The following SULF1 variants were observed in gnomAD, a reference collection of about 807,000 sequenced individuals.
SULF1 encodes sulfatase 1.
Under a neutral mutation model 110.5 loss-of-function variants are expected in SULF1, and 46 were observed. The ratio of observed to expected loss-of-function variants is 0.42; its 90% CI spans 0.33 to 0.53. The LOEUF is 0.53. Ranked by LOEUF, SULF1 falls within the 20% of genes least tolerant of loss-of-function variation. The pLI is 0.12. For synonymous variants in SULF1, 371 were observed against 387.1 expected, an observed-to-expected ratio of 0.96 and a Z score of 0.49; for missense variants, 941 against 1,094.2, an observed-to-expected ratio of 0.86 and a Z score of 1.98.
chr8:69,594,201 G>A (rs186162505), intron 8 of SULF1, among the ~76,000 whole-genome samples: 170 of 152,134 alleles, frequency 1.1e-3, no homozygotes, highest in African/African-American at 3.9e-3. Context: ...ACAGGCATGC[G>A]CCACCACGCT....
At chr8:69,628,991 G>A (rs1182582365) in intron 18 of SULF1, among the ~76,000 whole-genome samples, 2 of 152,110 alleles carry the variant, frequency 1.3e-5, no homozygotes, top group Non-Finnish European at 2.9e-5. Context: ...GTTCAATAAG[G>A]TCCCAAGAAA....
intron 8 of SULF1, 144 bp downstream of exon 8, chr8:69,589,285 C>G (rs1018149508): frequency 1.2e-6 from 1 of 828,740 alleles, no homozygotes; most frequent in Non-Finnish European, 1.8e-6. Flanking sequence ...GAGCAGACCA[C>G]GGAACAGGCA....
chr8:69,627,148 C>G, intron 15 of SULF1, 62 bp from the exon 16 acceptor site: 2 of 1,278,626 alleles, frequency 1.6e-6, no homozygotes, highest in South Asian at 2.5e-5. Context: ...TCTTTGTTAT[C>G]TTTAGTGTTT....
In SULF1 at chr8:69,534,355, T is replaced by G. The variant is rs115755367; in HGVS notation, c.-133-29184T>G. On this transcript the variant is annotated intron_variant, in intron 3 of 22. Coordinates refer to ENST00000402687, the MANE Select transcript of SULF1 (RefSeq NM_001128205.2). ...AAATTCTTTCATTAAGATCACTACA[T>G]TGTGCATGGTGGATATTTTTCTGGG... Among the ~76,000 whole-genome samples the G allele has an allele frequency of 1.6e-3, 247 of 152,328 alleles. 1 individual carries two copies. Among genetic ancestry groups the G allele is most frequent in the African/African-American group, 5.7e-3 (237 of 41,578 alleles).
At chr8:69,655,685 G>A (rs1457264884) in intron 22 of SULF1, among the ~76,000 whole-genome samples, 4 of 152,148 alleles carry the variant, frequency 2.6e-5, no homozygotes, top group South Asian at 4.1e-4. Context: ...TGGGATTAGA[G>A]GCATGAGGCA....
chr8:69,574,505 T>A (rs1344650280), intron 5 of SULF1, among the ~76,000 whole-genome samples: 2 of 152,226 alleles, frequency 1.3e-5, no homozygotes, highest in African/African-American at 2.4e-5. Context: ...TATTTTTATA[T>A]GCCCTGCTAC....
chr8:69,613,349 T>G (rs924299445), intron 13 of SULF1, among the ~76,000 whole-genome samples: 25 of 147,774 alleles, frequency 1.7e-4, no homozygotes, highest in African/African-American at 5.8e-4. Context: ...AGCCAATTTT[T>G]GGGTTTTTTT....
rs1254712633 is a variant in SULF1, at chr8:69,629,608, A to T, written c.2213A>T (p.Glu738Val). Reference protein sequence around the residue: ...KEKRRQRKGEECSLPGLTCFT... With the variant: ...KEKRRQRKGEVCSLPGLTCFT... The stretch of plus-strand genomic sequence containing the variant: ...AAGAGACGGCAGAGGAAGGGGGAAG[A>T]GTGCAGCCTGCCTGGCCTCACTTGC... The change falls in exon 19 of 23, where the codon GAG becomes GTG. Residue 738 changes from glutamate to valine, a missense_variant. Glu to Val is a moderately radical substitution (Grantham distance 121). This residue lies in a region of SULF1 where 822 missense variants were observed against 934.3 expected (regional missense o/e 0.88). Transcript: ENST00000402687. 2 of 1,613,940 alleles carry T rather than the reference A, an allele frequency of 1.2e-6. No individual in the cohort carries two copies. Among genetic ancestry groups the T allele is most frequent in the Non-Finnish European group, 1.7e-6 (2 of 1,179,888 alleles).
chr8:69,550,295 G>A (rs1814600556), intron 3 of SULF1, among the ~76,000 whole-genome samples: 1 of 152,038 alleles, frequency 6.6e-6, no homozygotes, highest in Non-Finnish European at 1.5e-5. Context: ...AAAAATGAGT[G>A]AAAATAGTTC....
chr8:69,640,130 AGAAG>A (rs1433101829), intron 21 of SULF1, among the ~76,000 whole-genome samples: 24 of 149,550 alleles, frequency 1.6e-4, no homozygotes, highest in African/African-American at 1.7e-4. Context: ...AAAGGAAGGA[AGAAG>A]GAAGGAAGGA....
At chr8:69,489,751 T>C (rs1351027020), upstream of SULF1, among the ~76,000 whole-genome samples, 1 of 151,542 alleles carries the variant, frequency 6.6e-6, no homozygotes, top group Admixed American at 6.6e-5. Flanking sequence ...TAATTTCTTG[T>C]ATTTTCAGTA....
intron 3 of SULF1, chr8:69,562,669 C>T (rs1214144571): frequency 2.0e-5 from 3 of 152,636 alleles, no homozygotes; most frequent in African/African-American, 7.2e-5. Flanking sequence ...TTCTGTGCAG[C>T]TTTGCAAAGA....
intron 18 of SULF1, among the ~76,000 whole-genome samples, chr8:69,628,795 T>A (rs1057361281): frequency 6.6e-6 from 1 of 152,222 alleles, no homozygotes; most frequent in African/African-American, 2.4e-5. Flanking sequence ...AAGAATTTTT[T>A]AAACTTTTTA....
intron 3 of SULF1, among the ~76,000 whole-genome samples, chr8:69,512,925 C>T (rs1314781235): frequency 1.3e-5 from 2 of 152,128 alleles, no homozygotes; most frequent in African/African-American, 4.8e-5. Flanking sequence ...ATTTCCTTAA[C>T]TTATTATTAT....
chr8:69,529,945 G>A (rs1249214853), intron 3 of SULF1, among the ~76,000 whole-genome samples: 1 of 152,188 alleles, frequency 6.6e-6, no homozygotes, highest in African/African-American at 2.4e-5. Context: ...TGGATACCAG[G>A]AGGCGAGAGT....
intron 3 of SULF1, among the ~76,000 whole-genome samples, chr8:69,548,146 A>G (rs535336632): frequency 4.6e-5 from 7 of 152,174 alleles, no homozygotes; most frequent in Non-Finnish European, 1.0e-4. Context: ...CTTATTTTAA[A>G]CATGGATCTA....
chr8:69,523,214 G>A (rs1028858439), intron 3 of SULF1, among the ~76,000 whole-genome samples: 5 of 152,150 alleles, frequency 3.3e-5, no homozygotes, highest in Admixed American at 6.5e-5. Flanking sequence ...TATCTACTCC[G>A]ATAGAAGAAC....
chr8:69,482,138 G>A (rs1425312793), intron 1 of SULF1, among the ~76,000 whole-genome samples: 2 of 152,038 alleles, frequency 1.3e-5, no homozygotes, highest in Non-Finnish European at 2.9e-5. Flanking sequence ...CCTTGCAGGA[G>A]GAATGCAACT....
intron 3 of SULF1, among the ~76,000 whole-genome samples, chr8:69,518,323 A>G (rs554209475): frequency 2.0e-5 from 3 of 152,284 alleles, no homozygotes; most frequent in Admixed American, 2.0e-4. Context: ...GCATATTTGT[A>G]ATAGCCACTT....
Sources: gnomAD v4.1 joint callset for allele counts (sites outside exome capture counted in the v4.1 genomes callset) on GRCh38, gnomAD v4.1.1 for gene constraint, gnomAD v4.1.1 regional missense constraint, MANE v1.5 for transcripts, NCBI Gene and HGNC (gene_info 2026-07-23, HGNC 2026-07-21) for gene names.